The following UBE4A variants were observed in gnomAD, a reference collection of about 807,000 sequenced individuals.
UBE4A encodes ubiquitination factor E4A, also known as ubiquitin conjugation factor E4 A.
UBE4A carries 48 observed loss-of-function variants against 117.9 expected under a neutral mutation model. The ratio of observed to expected loss-of-function variants is 0.41; its 90% CI spans 0.32 to 0.52. The LOEUF is 0.52. Among genes scored for constraint, UBE4A ranks in the 20% least tolerant of loss-of-function variants. The probability of loss-of-function intolerance (pLI) is 0.33; values close to 1 mark genes in which losing one functional copy is unlikely to be tolerated. For synonymous variants in UBE4A, 407 were observed against 450.0 expected, an observed-to-expected ratio of 0.90 and a Z score of 1.21; for missense variants, 1,067 against 1,296.3, an observed-to-expected ratio of 0.82 and a Z score of 2.72.
chr11:118,393,559 A>C (rs987855660), intron 19 of UBE4A, among the ~76,000 whole-genome samples: 1 of 151,944 alleles, frequency 6.6e-6, no homozygotes, highest in Non-Finnish European at 1.5e-5. Flanking sequence ...TCAGCCTCCC[A>C]AAGTACTGGG....
chr11:118,394,733 C>T (rs1948852814), intron 19 of UBE4A, among the ~76,000 whole-genome samples: 1 of 150,306 alleles, frequency 6.7e-6, no homozygotes, highest in African/African-American at 2.5e-5. Flanking sequence ...AAGATCACAC[C>T]ACCGCACTCC....
intron 1 of UBE4A, among the ~76,000 whole-genome samples, chr11:118,362,813 T>A (rs1948530866): frequency 6.6e-6 from 1 of 152,218 alleles, no homozygotes. Context: ...GCCTCCATAG[T>A]GTCTTGTGCC....
intron 11 of UBE4A, among the ~76,000 whole-genome samples, chr11:118,380,654 C>CA (rs576387236): frequency 7.4e-4 from 112 of 152,262 alleles, no homozygotes; most frequent in African/African-American, 2.7e-3. Flanking sequence ...TGTTCTGACT[C>CA]AGAGTTCCTC....
intron 7 of UBE4A, 27 bp from the exon 8 acceptor site, chr11:118,373,467 A>G (rs1210640703): frequency 6.3e-7 from 1 of 1,596,738 alleles, no homozygotes; most frequent in East Asian, 2.2e-5. Flanking sequence ...ATGAAGATGA[A>G]TAAGCAGAAC....
chr11:118,367,878 T>C lies in UBE4A; in HGVS notation c.122-753T>C, dbSNP rs540749967. Among the ~76,000 whole-genome samples the C allele has an allele frequency of 3.3e-5, 5 of 152,346 alleles. No homozygotes were observed. The East Asian group carries it at 9.6e-4, about 29-fold the overall frequency. On this transcript the variant is annotated intron_variant, in intron 2 of 19. Transcript: ENST00000252108. ...TGAATTTATCCTATAGAAATACTCA[T>C]ACAAGTAAACAAAAAGAGTTAAGTT...
chr11:118,386,726 A>ACATCTGG (rs1948762706), intron 16 of UBE4A, 114 bp downstream of exon 16: 5 of 1,182,124 alleles, frequency 4.2e-6, no homozygotes, highest in Non-Finnish European at 5.7e-6. Flanking sequence ...AGTATCCTCC[A>ACATCTGG]CATCTGGAAG....
At position 118,369,450 on chromosome 11, in the gene UBE4A, GC is replaced by G; in HGVS notation, c.324del (p.Ile109SerfsTer13). ...NSDPSLKSGNGIPSRCVYLEE... is the reference protein window; with the variant it reads ...NSDPSLKSGNXIPSRCVYLEE... ...GATCCCAGCTTGAAAAGCGGGAATG[GC>G]ATCCCTAGCCGTTGTGTGTATTTGG... On this transcript the variant is annotated frameshift_variant, in exon 4 of 20. Transcript: ENST00000252108. LOFTEE classifies it high-confidence loss of function. 1 of 1,614,126 alleles carries G rather than the reference GC, an allele frequency of 6.2e-7. No individual in the cohort carries two copies. The highest frequency in any genetic ancestry group is 8.5e-7 in the Non-Finnish European group (1 of 1,180,000).
intron 16 of UBE4A, among the ~76,000 whole-genome samples, chr11:118,387,094 G>C (rs1240807280): frequency 6.6e-6 from 1 of 152,168 alleles, no homozygotes; most frequent in Non-Finnish European, 1.5e-5. Flanking sequence ...ACAAGACTTA[G>C]TGTTAAAATG....
intron 8 of UBE4A, 50 bp downstream of exon 8, chr11:118,373,735 T>C (rs754143979): frequency 1.5e-4 from 235 of 1,562,474 alleles, no homozygotes; most frequent in Non-Finnish European, 2.0e-4. Flanking sequence ...AAAAGAGTTT[T>C]CTCAGAAAGC....
chr11:118,386,369 C>A, intron 15 of UBE4A, 69 bp from the exon 16 acceptor site: 1 of 1,509,968 alleles, frequency 6.6e-7, no homozygotes, highest in Non-Finnish European at 8.8e-7. Flanking sequence ...TTGAATAGGA[C>A]CTCTTAAATG....
intron 19 of UBE4A, among the ~76,000 whole-genome samples, chr11:118,393,232 C>T (rs953202012): frequency 6.6e-6 from 1 of 152,026 alleles, no homozygotes; most frequent in East Asian, 1.9e-4. Context: ...GCCTGGCCAA[C>T]ATGGTAAAAC....
At chr11:118,395,934 G>A (rs1381922504) in intron 19 of UBE4A, among the ~76,000 whole-genome samples, 1 of 152,032 alleles carries the variant, frequency 6.6e-6, no homozygotes, top group Non-Finnish European at 1.5e-5. Flanking sequence ...AATTAGCTGA[G>A]TGTCATGGTG....
intron 1 of UBE4A, among the ~76,000 whole-genome samples, chr11:118,364,768 A>C (rs1805292802): frequency 6.6e-6 from 1 of 151,130 alleles, no homozygotes; most frequent in Admixed American, 6.6e-5. Flanking sequence ...GGTATTGCAA[A>C]TAAAAGTATA....
chr11:118,362,011 G>A (rs1384973597), intron 1 of UBE4A, among the ~76,000 whole-genome samples: 5 of 152,146 alleles, frequency 3.3e-5, no homozygotes, highest in Non-Finnish European at 7.4e-5. Context: ...TAAAAATAGA[G>A]GTAAAATGTA....
At chr11:118,394,481 T>C (rs1948849814) in intron 19 of UBE4A, among the ~76,000 whole-genome samples, 1 of 152,094 alleles carries the variant, frequency 6.6e-6, no homozygotes, top group African/African-American at 2.4e-5. Context: ...TAAAATTAAG[T>C]TATATCGAGC....
intron 18 of UBE4A, among the ~76,000 whole-genome samples, chr11:118,391,881 A>G (rs1251718980): frequency 6.6e-6 from 1 of 152,152 alleles, no homozygotes; most frequent in East Asian, 1.9e-4. Flanking sequence ...GAAAACGTTT[A>G]TGCACAGTGT....
intron 2 of UBE4A, among the ~76,000 whole-genome samples, chr11:118,368,326 A>T (rs1948581413): frequency 6.6e-6 from 1 of 152,224 alleles, no homozygotes; most frequent in African/African-American, 2.4e-5. Context: ...AGGCATTTTG[A>T]TCTATTAGGT....
chr11:118,387,254 T>C (rs142152107), intron 16 of UBE4A, among the ~76,000 whole-genome samples: 2 of 152,166 alleles, frequency 1.3e-5, no homozygotes, highest in Non-Finnish European at 2.9e-5. Context: ...GTAAAAACTT[T>C]TTAAAAAAAC....
rs2134088769 is a variant in UBE4A, at chr11:118,368,797, G to A, written c.288G>A (p.Leu96=). The change falls in exon 3 of 20, where the codon CTG becomes CTA. Residue 96 remains leucine (L), a synonymous_variant. Coordinates refer to ENST00000252108, the MANE Select transcript of UBE4A (RefSeq NM_001204077.2). ...TCCAAAGGATCTTCCTTATTACTCT[G>A]GACAACAGTGAGTTACAAACTTATA... is the stretch of plus-strand genomic sequence containing the variant. ...HMIQRIFLIT[L]DNSDPSLKSG... The A allele has an allele frequency of 6.2e-7, 1 of 1,614,078 alleles. No individual in the cohort carries two copies. The highest frequency in any genetic ancestry group is 8.5e-7 in the Non-Finnish European group (1 of 1,179,984).
Sources: allele counts gnomAD v4.1 joint callset (sites outside exome capture counted in the v4.1 genomes callset), GRCh38; gene constraint gnomAD v4.1.1; transcripts MANE v1.5; gene names NCBI Gene and HGNC (gene_info 2026-07-23, HGNC 2026-07-21).